Variants in KPNA5 observed in about 807,000 individuals in gnomAD.
The protein encoded by KPNA5 is karyopherin subunit alpha 5.
KPNA5 carries 46 observed loss-of-function variants against 71.3 expected under a neutral mutation model. That is an observed-to-expected ratio of 0.65 (90% confidence interval 0.51 to 0.83). The LOEUF (loss-of-function observed/expected upper bound fraction) is 0.83. KPNA5 is among the 40% of genes least tolerant of loss of function. The probability of loss-of-function intolerance (pLI) is 0.00; values close to 1 mark genes in which losing one functional copy is unlikely to be tolerated. For missense variants in KPNA5, 547 were observed against 628.3 expected (o/e 0.87, Z 1.38); for synonymous variants, 207 against 201.4 (o/e 1.03, Z -0.24).
chr6:116,685,353 A>G (rs1777535080), intron 1 of KPNA5, among the ~76,000 whole-genome samples: 2 of 152,168 alleles, frequency 1.3e-5, no homozygotes, highest in Non-Finnish European at 2.9e-5. Context: ...AACTCGTGTC[A>G]TGGGTGTTGT....
rs1779572571 is a variant in KPNA5, at chr6:116,733,652, C to CA, written c.*1331dup. On this transcript the variant is annotated 3_prime_UTR_variant, in exon 14 of 14. Coordinates refer to ENST00000368564, the MANE Select transcript of KPNA5 (RefSeq NM_001366306.2). ...CTCACAGTTCAACTACTGTTGAACT[C>CA]AATCTTTTAATTTATAGTTATACGT... 6.6e-6 allele frequency: 1 copy of CA among 151,270 alleles called. No homozygotes were observed. The highest frequency in any genetic ancestry group is 1.9e-4 in the East Asian group (1 of 5,190). The allele number at this position is 151,270 out of a possible 1,614,324, so 9.4% of individuals were successfully genotyped here.
At chr6:116,727,773 A>T (rs1779341042) in intron 12 of KPNA5, among the ~76,000 whole-genome samples, 1 of 152,124 alleles carries the variant, frequency 6.6e-6, no homozygotes. Context: ...ATCAGTATTG[A>T]TTCCTGAATC....
intron 7 of KPNA5, among the ~76,000 whole-genome samples, chr6:116,708,325 A>G (rs373854376): frequency 1.3e-3 from 201 of 152,340 alleles, no homozygotes; most frequent in African/African-American, 4.7e-3. Flanking sequence ...AGAGACTACC[A>G]AACTTTTTCA....
intron 8 of KPNA5, among the ~76,000 whole-genome samples, chr6:116,721,217 T>C (rs1002417617): frequency 6.6e-6 from 1 of 152,214 alleles, no homozygotes; most frequent in African/African-American, 2.4e-5. Context: ...TGATATTCTT[T>C]AAAATAGGGG....
Position 116,692,276 on chromosome 6 carries a change from TTG to T in KPNA5, c.241-7_241-6del. On this transcript the variant is annotated splice_polypyrimidine_tract_variant and intron_variant, in intron 3 of 13. Transcript: ENST00000368564. ...AAATATGTAAATGTTAATTATATTTTTGTGTGTGTGTTTTAGGAAGAAGTTGT... is the reference window on the plus strand; with the variant it reads ...AAATATGTAAATGTTAATTATATTTTTGTGTGTGTTTTAGGAAGAAGTTGT... 21 of 1,503,720 alleles carry T rather than the reference TTG, an allele frequency of 1.4e-5. No homozygotes were observed. The highest frequency in any genetic ancestry group is 1.9e-5 in the Admixed American group (1 of 52,014). 93.1% of individuals were successfully genotyped at this position (1,503,720 alleles called of 1,614,324 possible).
chr6:116,703,423 C>T (rs151045310), intron 6 of KPNA5, among the ~76,000 whole-genome samples: 2 of 152,130 alleles, frequency 1.3e-5, no homozygotes, highest in East Asian at 1.9e-4. Flanking sequence ...CCACCACGCC[C>T]GGCTAGTTTT....
At chr6:116,682,831 A>G (rs1777414096) in intron 1 of KPNA5, among the ~76,000 whole-genome samples, 1 of 152,198 alleles carries the variant, frequency 6.6e-6, no homozygotes, top group Non-Finnish European at 1.5e-5. Flanking sequence ...TGCAGCCTTT[A>G]AATTTATTTT....
chr6:116,696,797 A>G (rs898026995), intron 4 of KPNA5, among the ~76,000 whole-genome samples: 1 of 152,142 alleles, frequency 6.6e-6, no homozygotes, highest in East Asian at 1.9e-4. Context: ...CATCCTGTCA[A>G]TATAATACTA....
chr6:116,708,481 T>C (rs2114435973), intron 7 of KPNA5, among the ~76,000 whole-genome samples: 1 of 152,304 alleles, frequency 6.6e-6, no homozygotes, highest in African/African-American at 2.4e-5. Context: ...AAAAAAGTCA[T>C]TGTCATTTTG....
chr6:116,717,901 G>C (rs1160415424), intron 8 of KPNA5, among the ~76,000 whole-genome samples: 1 of 152,052 alleles, frequency 6.6e-6, no homozygotes, highest in Non-Finnish European at 1.5e-5. Flanking sequence ...CCCACCGCCA[G>C]AAAGTTATAC....
intron 6 of KPNA5, 71 bp downstream of exon 6, chr6:116,702,221 C>CA: frequency 6.8e-7 from 1 of 1,472,268 alleles, no homozygotes; most frequent in Non-Finnish European, 9.3e-7. Context: ...TTTGTAATTA[C>CA]GATGTGTAAT....
chr6:116,714,750 C>T (rs1337817529), intron 7 of KPNA5, among the ~76,000 whole-genome samples: 1 of 152,136 alleles, frequency 6.6e-6, no homozygotes, highest in Non-Finnish European at 1.5e-5. Context: ...TCTTTATTTA[C>T]AAAGCTACTT....
At position 116,689,126 on chromosome 6, in the gene KPNA5, T is replaced by A. The variant is rs541403292; in HGVS notation, c.5-194T>A. On this transcript the variant is annotated intron_variant, in intron 1 of 13. Transcript: ENST00000368564. ...CAAAATTATTTGTTTAAGATATTAT[T>A]TCTAAAATATGTGGTCATTTTGCTC... 5.3e-5 allele frequency among the ~76,000 whole-genome samples: 8 copies of A among 152,322 alleles called. No homozygotes were observed. The South Asian group carries it at 1.4e-3, about 28-fold the overall frequency.
At chr6:116,729,277 G>A (rs1333534494) in intron 12 of KPNA5, among the ~76,000 whole-genome samples, 1 of 148,624 alleles carries the variant, frequency 6.7e-6, no homozygotes, top group African/African-American at 2.5e-5. Flanking sequence ...TGAGCACCAT[G>A]AAAAACAGGC....
chr6:116,707,663 C>G (rs1361685613), intron 7 of KPNA5, among the ~76,000 whole-genome samples: 1 of 152,190 alleles, frequency 6.6e-6, no homozygotes, highest in Non-Finnish European at 1.5e-5. Flanking sequence ...TCTTAGCATA[C>G]AAAAGCAGTA....
chr6:116,709,048 A>G (rs780805512), intron 7 of KPNA5, among the ~76,000 whole-genome samples: 1 of 151,768 alleles, frequency 6.6e-6, no homozygotes, highest in Non-Finnish European at 1.5e-5. Context: ...TGACCTCCCA[A>G]AACTCTGGGA....
chr6:116,716,468 T>C, intron 8 of KPNA5, 150 bp downstream of exon 8: 1 of 654,948 alleles, frequency 1.5e-6, no homozygotes, highest in South Asian at 1.9e-5. Flanking sequence ...ATTCAAAAGC[T>C]TTACAATATA....
chr6:116,736,849 GT>G lies in KPNA5; in HGVS notation c.*4527del, dbSNP rs1779687710. ...TGTCTAATCTCTTAATTCCATTAGTGTATTTTTTATGTCAGACATTGTGTAT... is the reference window on the plus strand; with the variant it reads ...TGTCTAATCTCTTAATTCCATTAGTGATTTTTTATGTCAGACATTGTGTAT... On this transcript the variant is annotated 3_prime_UTR_variant, in exon 14 of 14. Transcript: ENST00000368564. The G allele has an allele frequency of 6.6e-6, 1 of 151,756 alleles. No individual in the cohort carries two copies. Among genetic ancestry groups the G allele is most frequent in the Non-Finnish European group, 1.5e-5 (1 of 67,866 alleles). The allele number at this position is 151,756 out of a possible 1,614,324, so 9.4% of individuals were successfully genotyped here.
intron 8 of KPNA5, among the ~76,000 whole-genome samples, chr6:116,716,692 T>A (rs1310986400): frequency 6.6e-6 from 1 of 152,238 alleles, no homozygotes; most frequent in Admixed American, 6.5e-5. Flanking sequence ...AGGATATCTG[T>A]TTCCCTATCT....
Sources: allele counts gnomAD v4.1 joint callset (sites outside exome capture counted in the v4.1 genomes callset), GRCh38; gene constraint gnomAD v4.1.1; transcripts MANE v1.5; gene names NCBI Gene and HGNC (gene_info 2026-07-23, HGNC 2026-07-21).